The following ATP6V0A4 variants were observed in gnomAD, a reference collection of about 807,000 sequenced individuals.
ATP6V0A4 encodes the protein ATPase H+ transporting V0 subunit a4, also known as V-type proton ATPase 116 kDa subunit a 4.
Under a neutral mutation model 107.3 loss-of-function variants are expected in ATP6V0A4, and 86 were observed. The observed-to-expected ratio is 0.80, with a 90% CI of 0.67 to 0.96. The LOEUF is 0.96. Among genes scored for constraint, ATP6V0A4 ranks in the 40% least tolerant of loss-of-function variants. The pLI, the probability that ATP6V0A4 is intolerant of heterozygous loss-of-function variation, is 0.00. For missense variants in ATP6V0A4, 908 were observed against 1,045.6 expected, an observed-to-expected ratio of 0.87 and a Z score of 1.81; for synonymous variants, 353 against 381.4, an observed-to-expected ratio of 0.93 and a Z score of 0.87.
At chr7:138,781,320 TTC>T (rs1807908817) in intron 2 of ATP6V0A4, among the ~76,000 whole-genome samples, 1 of 145,384 alleles carries the variant, frequency 6.9e-6, no homozygotes, top group African/African-American at 2.8e-5. Flanking sequence ...CTTTCAGATT[TTC>T]TTTTTTTTTT....
At chr7:138,713,073 G>A (rs530983454) in intron 20 of ATP6V0A4, among the ~76,000 whole-genome samples, 8 of 151,694 alleles carry the variant, frequency 5.3e-5, no homozygotes, top group Non-Finnish European at 1.2e-4. Flanking sequence ...GGCAGATCAC[G>A]AGGTCAAGAG....
chr7:138,747,792 T>A, intron 12 of ATP6V0A4: 1 of 556,546 alleles, frequency 1.8e-6, no homozygotes, highest in South Asian at 2.1e-5. Flanking sequence ...TCTCGCTCTG[T>A]CACCCAGGCT....
intron 21 of ATP6V0A4, 174 bp from the exon 22 acceptor site, chr7:138,706,891 T>A: frequency 1.9e-5 from 3 of 159,366 alleles, no homozygotes; most frequent in Non-Finnish European, 2.5e-5. Flanking sequence ...TCCTGAGGAT[T>A]TTTTTTTTTT....
At chr7:138,728,727 C>T (rs1267977169) in intron 18 of ATP6V0A4, 34 bp downstream of exon 18, 2 of 1,613,440 alleles carry the variant, frequency 1.2e-6, no homozygotes, top group Admixed American at 1.7e-5. Flanking sequence ...CATTCTTATG[C>T]AAAGTAGGGT....
intron 14 of ATP6V0A4, among the ~76,000 whole-genome samples, chr7:138,744,593 G>A (rs1035875103): frequency 1.3e-5 from 2 of 152,210 alleles, no homozygotes; most frequent in South Asian, 2.1e-4. Flanking sequence ...GAGTGCAATG[G>A]TGTGATTGTA....
chr7:138,797,496 G>A (rs1011634034), intron 1 of ATP6V0A4, among the ~76,000 whole-genome samples: 1 of 151,688 alleles, frequency 6.6e-6, no homozygotes, highest in African/African-American at 2.4e-5. Context: ...GGGACTACAG[G>A]GTGAGCCCCC....
intron 13 of ATP6V0A4, among the ~76,000 whole-genome samples, chr7:138,745,658 C>CAACAAAAAAAAAAAAAAAAAAAAAA (rs1805881892): frequency 2.3e-5 from 1 of 42,758 alleles, no homozygotes; most frequent in Non-Finnish European, 4.3e-5. Context: ...GCCTGTGTCT[C>CAACAAAAAAAAAAAAAAAAAAAAAA]AAAAAAAAAA....
intron 18 of ATP6V0A4, among the ~76,000 whole-genome samples, chr7:138,722,739 C>A (rs534032409): frequency 6.9e-4 from 33 of 47,734 alleles, no homozygotes; most frequent in Non-Finnish European, 9.8e-4. Context: ...AGTGAGACTC[C>A]ATCTCAAAAA....
chr7:138,754,004 A>G (rs1806377247), intron 10 of ATP6V0A4, among the ~76,000 whole-genome samples: 1 of 152,196 alleles, frequency 6.6e-6, no homozygotes, highest in Non-Finnish European at 1.5e-5. Flanking sequence ...GTCATACTAA[A>G]TGTAAGCACA....
chr7:138,733,734 T>C (rs1805156404), intron 16 of ATP6V0A4, among the ~76,000 whole-genome samples: 1 of 151,982 alleles, frequency 6.6e-6, no homozygotes, highest in African/African-American at 2.4e-5. Flanking sequence ...CCCGACACCA[T>C]GCCTGGCTAA....
chr7:138,787,113 G>A (rs564681267), intron 1 of ATP6V0A4, among the ~76,000 whole-genome samples: 13 of 152,210 alleles, frequency 8.5e-5, no homozygotes, highest in South Asian at 2.1e-4. Flanking sequence ...GGTAATTGGC[G>A]GCAGAGCTGG....
chr7:138,756,884 G>T (rs1806540470), intron 8 of ATP6V0A4, among the ~76,000 whole-genome samples: 1 of 152,198 alleles, frequency 6.6e-6, no homozygotes, highest in Admixed American at 6.5e-5. Flanking sequence ...TTAAAACGAA[G>T]ACAGCTGGCT....
rs777210633 is a variant in ATP6V0A4, at chr7:138,745,135, T to C, written c.1466A>G (p.Asn489Ser). Reference protein sequence around the residue: ...SSWSVQPMFRNGTWNTHVMEE... With the variant: ...SSWSVQPMFRSGTWNTHVMEE... Reference sequence around the variant, plus strand: ...TCTGTCAACTCACTTCCATGTGCCGTTTCTGAACATGGGTTGGACACTCCA... The same window carrying C: ...TCTGTCAACTCACTTCCATGTGCCGCTTCTGAACATGGGTTGGACACTCCA... Residue 489 changes from asparagine to serine, a missense_variant, in exon 14 of 22, where the codon AAC (asparagine) becomes AGC (serine). By Grantham distance (46) the Asn-to-Ser change is conservative (BLOSUM62 1). Coordinates refer to ENST00000310018, the MANE Select transcript of ATP6V0A4 (RefSeq NM_020632.3). 31 of 1,613,688 alleles carry C rather than the reference T, an allele frequency of 1.9e-5. No individual in the cohort carries two copies. The East Asian group carries it at 6.0e-4, about 31-fold the overall frequency.
At chr7:138,787,204 C>T (rs1808212523) in intron 1 of ATP6V0A4, among the ~76,000 whole-genome samples, 1 of 152,218 alleles carries the variant, frequency 6.6e-6, no homozygotes, top group African/African-American at 2.4e-5. Flanking sequence ...CAGGACTTAA[C>T]ACCCCTTTGT....
chr7:138,783,672 G>A (rs1808018920), intron 2 of ATP6V0A4, among the ~76,000 whole-genome samples: 1 of 152,114 alleles, frequency 6.6e-6, no homozygotes. Context: ...GCCACAGTGA[G>A]CCATGATTGT....
chr7:138,760,444 C>CAAAAAA (rs570463822), intron 7 of ATP6V0A4, among the ~76,000 whole-genome samples: 15 of 60,812 alleles, frequency 2.5e-4, no homozygotes, highest in African/African-American at 9.3e-4. Flanking sequence ...AACTCTGTCT[C>CAAAAAA]AAAAAAAAAA....
chr7:138,748,302 C>T (rs1319555891), intron 12 of ATP6V0A4, among the ~76,000 whole-genome samples: 1 of 152,200 alleles, frequency 6.6e-6, no homozygotes, highest in Non-Finnish European at 1.5e-5. Context: ...ACCCAGGAGG[C>T]CCCTGCATTA....
At chr7:138,797,833 T>C (rs2130253485) in intron 1 of ATP6V0A4, 1 of 581,654 alleles carries the variant, frequency 1.7e-6, no homozygotes, top group East Asian at 3.4e-5. Flanking sequence ...GGACAATATT[T>C]GCGCTCAGGG....
intron 21 of ATP6V0A4, among the ~76,000 whole-genome samples, chr7:138,707,315 T>TTATA: frequency 1.4e-5 from 1 of 73,274 alleles, no homozygotes; most frequent in African/African-American, 6.5e-5. Flanking sequence ...TATATTTATT[T>TTATA]ATATTTATAT....
Sources: gnomAD v4.1 joint callset for allele counts (sites outside exome capture counted in the v4.1 genomes callset) on GRCh38, gnomAD v4.1.1 for gene constraint, MANE v1.5 for transcripts, NCBI Gene and HGNC (gene_info 2026-07-23, HGNC 2026-07-21) for gene names.